ATL2: variants seen among roughly 807,000 people sequenced by gnomAD.
The protein encoded by ATL2 is atlastin GTPase 2.
In ATL2, 31 loss-of-function variants were observed where a neutral mutation model predicts 73.9. The ratio of observed to expected loss-of-function variants is 0.42; its 90% CI spans 0.32 to 0.57. The LOEUF is 0.57. Among genes scored for constraint, ATL2 ranks in the 20% least tolerant of loss-of-function variants. The pLI, the probability that ATL2 is intolerant of heterozygous loss-of-function variation, is 0.14. For missense variants in ATL2, 738 were observed against 702.6 expected, an observed-to-expected ratio of 1.05 and a Z score of -0.57; for synonymous variants, 291 against 237.5, an observed-to-expected ratio of 1.23 and a Z score of -2.07.
At chr2:38,361,087 C>T (rs546202745) in intron 1 of ATL2, among the ~76,000 whole-genome samples, 1 of 152,242 alleles carries the variant, frequency 6.6e-6, no homozygotes, top group East Asian at 1.9e-4. Flanking sequence ...GGCGCGGTGG[C>T]TCATGCCTGT....
intron 2 of ATL2, among the ~76,000 whole-genome samples, chr2:38,337,097 A>AGAGG (rs760203912): frequency 6.6e-6 from 1 of 152,112 alleles, no homozygotes; most frequent in Non-Finnish European, 1.5e-5. Context: ...CAAGAAAAAG[A>AGAGG]GAGGGAGGGA....
rs879097426 is a variant in ATL2 at position 38,295,002 on chromosome 2, C to CGGG, written c.*989_*991dup. 7 of 29,252 alleles carry CGGG rather than the reference C, an allele frequency of 2.4e-4. No homozygotes were observed. The highest frequency in any genetic ancestry group is 1.1e-3 in the African/African-American group (5 of 4,544). 1.8% of individuals were successfully genotyped at this position (29,252 alleles called of 1,614,324 possible). ...ATTCCCATTGAATTCCCTTGGTGGG[C>CGGG]GGGGGGGGGGTGAGATTGCAGTGCT... On this transcript the variant is annotated 3_prime_UTR_variant, in exon 13 of 13. Coordinates refer to ENST00000378954, the MANE Select transcript of ATL2 (RefSeq NM_001135673.4).
chr2:38,322,578 G>A (rs1254450061), intron 2 of ATL2, among the ~76,000 whole-genome samples: 1 of 152,032 alleles, frequency 6.6e-6, no homozygotes, highest in Non-Finnish European at 1.5e-5. Context: ...GAAATCATAG[G>A]CTTATATGTT....
chr2:38,332,088 C>G (rs530670558), intron 2 of ATL2, among the ~76,000 whole-genome samples: 2 of 152,136 alleles, frequency 1.3e-5, no homozygotes, highest in South Asian at 4.1e-4. Context: ...TAAGATTCAA[C>G]TTACATGAAT....
Position 38,309,386 on chromosome 2 carries a change from T to C in ATL2, c.1064A>G (p.Tyr355Cys). 1.9e-6 allele frequency: 3 copies of C among 1,606,098 alleles called. No homozygotes were observed. In the South Asian group the frequency reaches 3.3e-5, roughly 18 times the overall value. The change falls in exon 9 of 13, where the codon TAT becomes TGT. Residue 355 changes from tyrosine (Y) to cysteine (C), a missense_variant. Tyr to Cys is a radical substitution (Grantham distance 194). Transcript: ENST00000378954. ...SKVTCRDLVE[Y>C]FKAYIKIYQG... is the part of the protein sequence containing the mutation. ...GTTTAAGAGCTCACCTACCTTAAAA[T>C]ATTCTACAAGATCTCTACAAGTGAC...
chr2:38,327,885 G>A (rs1200655227), intron 2 of ATL2, among the ~76,000 whole-genome samples: 3 of 152,146 alleles, frequency 2.0e-5, no homozygotes, highest in South Asian at 2.1e-4. Flanking sequence ...GCAGTGAGCC[G>A]AGATTGTGCC....
intron 2 of ATL2, 50 bp from the exon 3 acceptor site, chr2:38,319,069 AG>A: frequency 6.4e-7 from 1 of 1,563,930 alleles, no homozygotes; most frequent in Non-Finnish European, 8.7e-7. Flanking sequence ...AAGAAATAAA[AG>A]AAACCAAAAA....
At chr2:38,334,253 C>A (rs1328858830) in intron 2 of ATL2, among the ~76,000 whole-genome samples, 1 of 150,962 alleles carries the variant, frequency 6.6e-6, no homozygotes, top group Admixed American at 6.6e-5. Flanking sequence ...CGGTCTTGAA[C>A]TCCTGGCCTC....
intron 9 of ATL2, among the ~76,000 whole-genome samples, chr2:38,301,865 G>C (rs964868114): frequency 1.3e-5 from 2 of 152,214 alleles, no homozygotes; most frequent in Admixed American, 1.3e-4. Context: ...CCAAGGGACT[G>C]CTAGTGTCAC....
intron 1 of ATL2, among the ~76,000 whole-genome samples, chr2:38,365,180 C>A: frequency 6.6e-6 from 1 of 151,512 alleles, no homozygotes; most frequent in East Asian, 1.9e-4. Context: ...CACACACACA[C>A]ACACACACAA....
chr2:38,348,151 G>A (rs533582094), intron 1 of ATL2, among the ~76,000 whole-genome samples: 6 of 152,064 alleles, frequency 3.9e-5, no homozygotes, highest in South Asian at 2.1e-4. Context: ...TTAAGTATAC[G>A]TAACACAAAA....
At chr2:38,325,901 TTGTTTAA>T (rs1668631968) in intron 2 of ATL2, among the ~76,000 whole-genome samples, 1 of 56,062 alleles carries the variant, frequency 1.8e-5, no homozygotes, top group African/African-American at 8.7e-5. Context: ...GTTTGTTTGT[TTGTTTAA>T]AAAAAAAAAA....
chr2:38,335,910 G>A (rs958992667), intron 2 of ATL2, among the ~76,000 whole-genome samples: 1 of 152,122 alleles, frequency 6.6e-6, no homozygotes, highest in Non-Finnish European at 1.5e-5. Context: ...CATGGTGGCG[G>A]GAGGTACTTG....
intron 1 of ATL2, among the ~76,000 whole-genome samples, chr2:38,343,738 T>G (rs1416340596): frequency 6.6e-6 from 1 of 152,158 alleles, no homozygotes; most frequent in Non-Finnish European, 1.5e-5. Context: ...AAATCTCATC[T>G]TGAATTGTAG....
At chr2:38,331,006 A>G (rs553758301) in intron 2 of ATL2, among the ~76,000 whole-genome samples, 7 of 152,348 alleles carry the variant, frequency 4.6e-5, no homozygotes, top group Non-Finnish European at 1.0e-4. Flanking sequence ...TGATACTGGT[A>G]TAAGAACAAG....
At chr2:38,369,459 A>G (rs1374812402) in intron 1 of ATL2, among the ~76,000 whole-genome samples, 1 of 149,904 alleles carries the variant, frequency 6.7e-6, no homozygotes, top group Non-Finnish European at 1.5e-5. Flanking sequence ...AAAATAAATA[A>G]ATTTTTTTAG....
rs775414616 is a variant in ATL2 at position 38,318,941 on chromosome 2, T to C, written c.442A>G (p.Thr148Ala). ...TWRGGCERET[T>A]GIQVWNEVFV... ...ACTTCATTCCAAACTTGTATGCCTG[T>C]TGTTTCTCTTTCACAGCCACCTCGC... Residue 148 changes from threonine (T) to alanine (A), a missense_variant, in exon 3 of 13, where the codon ACA (threonine) becomes GCA (alanine). Transcript: ENST00000378954. 1 of 1,614,098 alleles carries C rather than the reference T, an allele frequency of 6.2e-7. No individual in the cohort carries two copies. The highest frequency in any genetic ancestry group is 8.5e-7 in the Non-Finnish European group (1 of 1,179,960).
chr2:38,373,341 G>A (rs1223196314), intron 1 of ATL2, among the ~76,000 whole-genome samples: 1 of 152,176 alleles, frequency 6.6e-6, no homozygotes, highest in Non-Finnish European at 1.5e-5. Context: ...TGGCCAGCAG[G>A]ATATCCAGCT....
intron 2 of ATL2, among the ~76,000 whole-genome samples, chr2:38,325,906 TAAA>T (rs761254087): frequency 9.6e-5 from 5 of 52,040 alleles, no homozygotes; most frequent in East Asian, 6.5e-4. Flanking sequence ...TTTGTTTGTT[TAAA>T]AAAAAAAAAA....
Sources: gnomAD v4.1 joint callset for allele counts (sites outside exome capture counted in the v4.1 genomes callset) on GRCh38, gnomAD v4.1.1 for gene constraint, MANE v1.5 for transcripts, NCBI Gene and HGNC (gene_info 2026-07-23, HGNC 2026-07-21) for gene names.